ANKMY2: variants seen among roughly 807,000 people sequenced by gnomAD.
ANKMY2 encodes ankyrin repeat and MYND domain-containing protein 2.
A neutral mutation model predicts 50.4 loss-of-function variants in ANKMY2; 36 were observed. The observed-to-expected ratio is 0.71, with a 90% CI of 0.55 to 0.94. The LOEUF (loss-of-function observed/expected upper bound fraction) is 0.94, where lower values mean the gene tolerates loss of function less well. ANKMY2 is among the 40% of genes least tolerant of loss of function. The probability of loss-of-function intolerance (pLI) is 0.00; values close to 1 mark genes in which losing one functional copy is unlikely to be tolerated. For synonymous variants in ANKMY2, 187 were observed against 178.8 expected (o/e 1.05, Z -0.36); for missense variants, 565 against 524.0 (o/e 1.08, Z -0.76).
chr7:16,615,286 C>G (rs1464059406), intron 5 of ANKMY2, among the ~76,000 whole-genome samples: 1 of 152,180 alleles, frequency 6.6e-6, no homozygotes, highest in South Asian at 2.1e-4. Flanking sequence ...TACCAGGCCC[C>G]CGGGGCTCTC....
chr7:16,627,309 A>G (rs1003668883), intron 2 of ANKMY2, 131 bp from the exon 3 acceptor site: 8 of 543,866 alleles, frequency 1.5e-5, no homozygotes, highest in Non-Finnish European at 2.1e-5. Flanking sequence ...ATGTATTTTT[A>G]TATTTGCTTC....
At chr7:16,635,156 A>T (rs757117663) in intron 2 of ANKMY2, among the ~76,000 whole-genome samples, 3 of 152,200 alleles carry the variant, frequency 2.0e-5, no homozygotes, top group Non-Finnish European at 4.4e-5. Flanking sequence ...TGGTATACAC[A>T]TACAACAAAA....
At chr7:16,626,546 T>C (rs1426813538) in intron 3 of ANKMY2, among the ~76,000 whole-genome samples, 1 of 152,200 alleles carries the variant, frequency 6.6e-6, no homozygotes, top group African/African-American at 2.4e-5. Context: ...CAATTACAGA[T>C]AATCCCACTT....
At chr7:16,607,158 C>A (rs556167562) in intron 7 of ANKMY2, among the ~76,000 whole-genome samples, 1 of 152,194 alleles carries the variant, frequency 6.6e-6, no homozygotes, top group Non-Finnish European at 1.5e-5. Flanking sequence ...GAACATAAAA[C>A]TCTCAAAGAA....
intron 5 of ANKMY2, among the ~76,000 whole-genome samples, chr7:16,615,477 G>T (rs535035883): frequency 5.3e-5 from 8 of 152,230 alleles, no homozygotes. Flanking sequence ...CAGAGCTCCC[G>T]GTGGGATGAG....
At chr7:16,642,775 C>G (rs1387462424) in intron 1 of ANKMY2, among the ~76,000 whole-genome samples, 4 of 152,104 alleles carry the variant, frequency 2.6e-5, no homozygotes, top group Admixed American at 6.6e-5. Flanking sequence ...TTAATGCACA[C>G]AGAACTACAA....
Position 16,616,204 on chromosome 7 carries a change from A to T in ANKMY2, c.371-300T>A, listed in dbSNP as rs1040071378. On this transcript the variant is annotated intron_variant, in intron 4 of 9. Coordinates refer to ENST00000306999, the MANE Select transcript of ANKMY2 (RefSeq NM_020319.3). ...TGTAAGAGACCTTAAGTATTTTCTA[A>T]CAGTTGCTTGTAAGTTAAATGTCTC... Among the ~76,000 whole-genome samples the T allele has an allele frequency of 8.5e-5, 13 of 152,338 alleles. No homozygotes were observed. The South Asian group carries it at 2.5e-3, about 29-fold the overall frequency.
intron 2 of ANKMY2, among the ~76,000 whole-genome samples, chr7:16,629,920 A>G (rs959598342): frequency 1.2e-4 from 18 of 152,198 alleles, no homozygotes; most frequent in African/African-American, 4.1e-4. Flanking sequence ...GATGCTCCAT[A>G]GAGATATAAA....
At chr7:16,617,211 G>C (rs1310469260) in intron 4 of ANKMY2, among the ~76,000 whole-genome samples, 1 of 152,096 alleles carries the variant, frequency 6.6e-6, no homozygotes, top group Non-Finnish European at 1.5e-5. Context: ...ACAGTTACCT[G>C]TGTTGATTTT....
chr7:16,601,102 GAA>G (rs1757552036), intron 9 of ANKMY2, among the ~76,000 whole-genome samples, 157 bp from the exon 10 acceptor site: 1 of 152,212 alleles, frequency 6.6e-6, no homozygotes, highest in Non-Finnish European at 1.5e-5. Context: ...AGAAAACTGA[GAA>G]GAGAGAGGTT....
At position 16,615,823 on chromosome 7, in the gene ANKMY2, T is replaced by C. The variant is rs1781336805; in HGVS notation, c.452A>G (p.Asp151Gly). The C allele has an allele frequency of 6.2e-7, 1 of 1,614,204 alleles. No individual in the cohort carries two copies. The highest frequency in any genetic ancestry group is 8.5e-7 in the Non-Finnish European group (1 of 1,180,030). The change falls in exon 5 of 10, where the codon GAT (aspartate) becomes GGT (glycine). Residue 151 changes from aspartate (D) to glycine (G), a missense_variant. Coordinates refer to ENST00000306999, the MANE Select transcript of ANKMY2 (RefSeq NM_020319.3). The stretch of plus-strand genomic sequence containing the variant: ...CTTTGGGGGCAGTTTTGGCTCTTTA[T>C]CCAGTCCCTGGGGCTTAGTGTAATA... ...LDYYTKPQGL[D>G]KEPKLPPKLA...
chr7:16,601,537 G>A (rs917701924), intron 9 of ANKMY2, among the ~76,000 whole-genome samples: 9 of 152,212 alleles, frequency 5.9e-5, no homozygotes, highest in Admixed American at 5.2e-4. Context: ...GAGAAGGCAT[G>A]GCAGTCAGAA....
At chr7:16,628,479 G>T (rs942833689) in intron 2 of ANKMY2, among the ~76,000 whole-genome samples, 4 of 141,350 alleles carry the variant, frequency 2.8e-5, no homozygotes, top group African/African-American at 1.0e-4. Context: ...CCTTAGCTGG[G>T]AGTCTCTACA....
intron 5 of ANKMY2, among the ~76,000 whole-genome samples, chr7:16,615,540 T>TAAA (rs1350449795): frequency 6.6e-6 from 1 of 152,130 alleles, no homozygotes; most frequent in Non-Finnish European, 1.5e-5. Flanking sequence ...TTCCTGATGG[T>TAAA]TTAGTCTGTT....
At chr7:16,636,670 T>G (rs1487074527) in intron 1 of ANKMY2, among the ~76,000 whole-genome samples, 2 of 152,236 alleles carry the variant, frequency 1.3e-5, no homozygotes, top group Non-Finnish European at 2.9e-5. Context: ...AGCTCCATCT[T>G]GTTTTTATTT....
chr7:16,615,375 G>T (rs1052865472), intron 5 of ANKMY2, among the ~76,000 whole-genome samples: 4 of 152,188 alleles, frequency 2.6e-5, no homozygotes, highest in South Asian at 2.1e-4. Flanking sequence ...CTATGTGGGA[G>T]GCTGTCCTTT....
At chr7:16,626,969 A>T in intron 3 of ANKMY2, 71 bp downstream of exon 3, 1 of 1,200,792 alleles carries the variant, frequency 8.3e-7, no homozygotes, top group Non-Finnish European at 1.1e-6. Context: ...AATGAATTTA[A>T]TCTTTTAGTA....
chr7:16,617,651 A>G (rs539377657), intron 4 of ANKMY2, among the ~76,000 whole-genome samples: 3 of 152,318 alleles, frequency 2.0e-5, no homozygotes, highest in East Asian at 1.9e-4. Context: ...CCTGGTTACT[A>G]TTGAGAACTA....
At position 16,600,703 on chromosome 7, in the gene ANKMY2, G is replaced by C; in HGVS notation, c.*58C>G. On this transcript the variant is annotated 3_prime_UTR_variant, in exon 10 of 10. Coordinates refer to ENST00000306999, the MANE Select transcript of ANKMY2 (RefSeq NM_020319.3). ...ACAAGGTGAGGACAATGCATTCCTA[G>C]GAGTTTTCCAGCTTCTTGCAGGGTG... 6.8e-7 allele frequency: 1 copy of C among 1,470,088 alleles called. No individual in the cohort carries two copies. The highest frequency in any genetic ancestry group is 2.3e-5 in the East Asian group (1 of 42,826). 91.1% of individuals were successfully genotyped at this position (1,470,088 alleles called of 1,614,324 possible). A position where few individuals can be genotyped will look rare whatever the true frequency, so the allele number is the denominator to read the frequency against.
Sources: gnomAD v4.1 joint callset for allele counts (sites outside exome capture counted in the v4.1 genomes callset) on GRCh38, gnomAD v4.1.1 for gene constraint, MANE v1.5 for transcripts, NCBI Gene and HGNC (gene_info 2026-07-23, HGNC 2026-07-21) for gene names.